RBM28: variants seen among roughly 807,000 people sequenced by gnomAD.
RBM28 encodes RNA binding motif protein 28, also known as RNA-binding protein 28.
A neutral mutation model predicts 98.3 loss-of-function variants in RBM28; 78 were observed. That is an observed-to-expected ratio of 0.79 (90% CI 0.66 to 0.96). The LOEUF (loss-of-function observed/expected upper bound fraction) is 0.96, where lower values mean the gene tolerates loss of function less well. Among genes scored for constraint, RBM28 ranks in the 40% least tolerant of loss-of-function variants. RBM28 has a pLI of 0.00. For synonymous variants in RBM28, 306 were observed against 330.9 expected, an observed-to-expected ratio of 0.92 and a Z score of 0.82; for missense variants, 838 against 913.0, an observed-to-expected ratio of 0.92 and a Z score of 1.06.
chr7:128,319,254 T>G (rs1291693199), intron 14 of RBM28, among the ~76,000 whole-genome samples: 5 of 152,240 alleles, frequency 3.3e-5, no homozygotes, highest in Non-Finnish European at 7.3e-5. Context: ...ATGAAGATCC[T>G]GTTCTCAAGA....
intron 1 of RBM28, 119 bp downstream of exon 1, chr7:128,343,557 C>T (rs1374484274): frequency 2.9e-6 from 2 of 689,622 alleles, no homozygotes; most frequent in African/African-American, 3.7e-5. Flanking sequence ...GGAAAAGAAA[C>T]TCAGTTCCCT....
At chr7:128,325,688 G>C in intron 11 of RBM28, 130 bp downstream of exon 11, 1 of 707,518 alleles carries the variant, frequency 1.4e-6, no homozygotes, top group Non-Finnish European at 2.5e-6. Context: ...AACACAAAGT[G>C]CTAAATAAGT....
intron 5 of RBM28, among the ~76,000 whole-genome samples, chr7:128,337,933 C>T (rs1250083008): frequency 6.6e-6 from 1 of 152,140 alleles, no homozygotes; most frequent in East Asian, 1.9e-4. Flanking sequence ...AAATAGCCCA[C>T]AGATGCTGAA....
At position 128,321,874 on chromosome 7, in the gene RBM28, C is replaced by G. The variant is rs536826976; in HGVS notation, c.1405-450G>C. Among the ~76,000 whole-genome samples, 208 of 151,994 alleles carry G rather than the reference C, an allele frequency of 1.4e-3. 2 individuals carry two copies. Among genetic ancestry groups the G allele is most frequent in the Middle Eastern group, 3.4e-3 (1 of 294 alleles). On this transcript the variant is annotated intron_variant, in intron 13 of 18. Coordinates refer to ENST00000223073, the MANE Select transcript of RBM28 (RefSeq NM_018077.3). ...ATCAGCCTGGCCAACATGGTGAAACCCTGTCTCTACTAAAAATACAAAAAT... is the reference window on the plus strand; with the variant it reads ...ATCAGCCTGGCCAACATGGTGAAACGCTGTCTCTACTAAAAATACAAAAAT...
At position 128,314,945 on chromosome 7, in the gene RBM28, T is replaced by TC; in HGVS notation, c.1863dup (p.Lys622GlufsTer34). 1.2e-6 allele frequency: 2 copies of TC among 1,614,200 alleles called. No individual in the cohort carries two copies. Among genetic ancestry groups the TC allele is most frequent in the East Asian group, 4.5e-5 (2 of 44,886 alleles). ...TCCTCTGTGTGGTGTTGAGCTGCCT[T>TC]CTGTTGCTGGTCTTTTGCAGGCTCT... On this transcript the variant is annotated frameshift_variant, in exon 17 of 19. Coordinates refer to ENST00000223073, the MANE Select transcript of RBM28 (RefSeq NM_018077.3). LOFTEE classifies it high-confidence loss of function.
rs753253054 is a variant in RBM28 at position 128,339,672 on chromosome 7, T to C, written c.238A>G (p.Lys80Glu). The C allele has an allele frequency of 6.2e-7, 1 of 1,614,060 alleles. No individual in the cohort carries two copies. The highest frequency in any genetic ancestry group is 1.3e-5 in the African/African-American group (1 of 74,930). The change falls in exon 2 of 19, where the codon AAA (lysine) becomes GAA (glutamate). Residue 80 changes from lysine to glutamate, a missense_variant. Transcript: ENST00000223073. Reference protein sequence around the residue: ...GCKINVTVAKKKLRNKTKEKG... With the variant: ...GCKINVTVAKEKLRNKTKEKG... ...TCCTTTGTCTTGTTCCTCAGTTTTT[T>C]CTTGGCAACAGTCACGTTGATCTTG...
intron 7 of RBM28, 21 bp downstream of exon 7, chr7:128,335,826 A>T (rs760370912): frequency 2.5e-6 from 4 of 1,614,124 alleles, no homozygotes; most frequent in Non-Finnish European, 3.4e-6. Flanking sequence ...CTGCTGTCTC[A>T]GAACAGGATG....
rs559711355 is a variant in RBM28, at chr7:128,299,299, G to A, written c.*11498C>T. 2.5e-4 allele frequency: 38 copies of A among 152,308 alleles called. No homozygotes were observed. The highest frequency in any genetic ancestry group is 9.1e-4 in the African/African-American group (38 of 41,564). 9.4% of individuals were successfully genotyped at this position (152,308 alleles called of 1,614,324 possible). On this transcript the variant is annotated 3_prime_UTR_variant, in exon 19 of 19. Transcript: ENST00000223073. ...AATCTGTATAACTTTGGCAGGCCCTGGCTATAGGGATTGTCCCTAGTTGTC... is the reference window on the plus strand; with the variant it reads ...AATCTGTATAACTTTGGCAGGCCCTAGCTATAGGGATTGTCCCTAGTTGTC...
At chr7:128,341,657 A>G (rs1796727983) in intron 1 of RBM28, among the ~76,000 whole-genome samples, 1 of 152,240 alleles carries the variant, frequency 6.6e-6, no homozygotes, top group African/African-American at 2.4e-5. Context: ...GACCAAGTAC[A>G]CAAGGTGTAA....
rs1398039720 is a variant in RBM28, at chr7:128,299,718, G to T, written c.*11079C>A. 1 of 152,174 alleles carries T rather than the reference G, an allele frequency of 6.6e-6. No individual in the cohort carries two copies. Among genetic ancestry groups the T allele is most frequent in the Non-Finnish European group, 1.5e-5 (1 of 68,042 alleles). The allele number at this position is 152,174 out of a possible 1,614,324, so 9.4% of individuals were successfully genotyped here. On this transcript the variant is annotated 3_prime_UTR_variant, in exon 19 of 19. Coordinates refer to ENST00000223073, the MANE Select transcript of RBM28 (RefSeq NM_018077.3). ...CCTCATGGCCTAATTACTTCTTTAA[G>T]GACCCCATCTCAATACTATCACATT...
At chr7:128,333,831 A>G (rs971756671) in intron 8 of RBM28, among the ~76,000 whole-genome samples, 6 of 152,208 alleles carry the variant, frequency 3.9e-5, no homozygotes, top group Non-Finnish European at 8.8e-5. Context: ...ATGAGATACT[A>G]TTTTTCACCA....
At chr7:128,336,115 A>AGAACTTGGAGTATTGGT in intron 6 of RBM28, 73 bp from the exon 7 acceptor site, 1 of 1,365,922 alleles carries the variant, frequency 7.3e-7, no homozygotes, top group Non-Finnish European at 1.0e-6. Context: ...AAAGTAACCA[A>AGAACTTGGAGTATTGGT]TACTCCAAGT....
rs1179598521 is a variant in RBM28 at position 128,309,591 on chromosome 7, C to CCGTTG, written c.*1205_*1206insCAACG. ...GAGGTTGCAATGAGCTGAGACAGCG[C>CCGTTG]CATTGCACTCCAGCCTGGGCGACAG... On this transcript the variant is annotated 3_prime_UTR_variant, in exon 19 of 19. Transcript: ENST00000223073. 3 of 149,592 alleles carry CCGTTG rather than the reference C, an allele frequency of 2.0e-5. No individual in the cohort carries two copies. Among genetic ancestry groups the CCGTTG allele is most frequent in the African/African-American group, 7.4e-5 (3 of 40,314 alleles). The allele number at this position is 149,592 out of a possible 1,614,324, so 9.3% of individuals were successfully genotyped here.
Position 128,317,640 on chromosome 7 carries a change from G to A in RBM28, c.1788+19C>T, listed in dbSNP as rs1212895082. On this transcript the variant is annotated intron_variant, in intron 16 of 18. Transcript: ENST00000223073. Reference sequence around the variant, plus strand: ...AAGAGTTTATGTCCTTAAAAATATGGACCATTTAATTTCTGTACCAAGCTG... The same window carrying A: ...AAGAGTTTATGTCCTTAAAAATATGAACCATTTAATTTCTGTACCAAGCTG... 6.5e-7 allele frequency: 1 copy of A among 1,542,880 alleles called. No homozygotes were observed. Among genetic ancestry groups the A allele is most frequent in the South Asian group, 1.1e-5 (1 of 89,622 alleles).
chr7:128,317,719 C>G lies in RBM28; in HGVS notation c.1728G>C (p.Glu576Asp), dbSNP rs765780383. The change falls in exon 16 of 19, where the codon GAG (glutamate) becomes GAC (aspartate). Residue 576 changes from glutamate to aspartate, a missense_variant. Transcript: ENST00000223073. ...IFGPLKRPIVEFSLEDRRKLK... is the reference protein window; with the variant it reads ...IFGPLKRPIVDFSLEDRRKLK... ...GTTTTCTTCGATCTTCTAAAGAGAA[C>G]TCCACTATTGGTCTCTGTCAGAGGG... 137 of 1,605,222 alleles carry G rather than the reference C, an allele frequency of 8.5e-5. No individual in the cohort carries two copies. The East Asian group carries it at 3.0e-3, about 36-fold the overall frequency.
Position 128,300,559 on chromosome 7 carries a change from T to A in RBM28, c.*10238A>T, listed in dbSNP as rs1390960999. The A allele has an allele frequency of 6.6e-6, 1 of 152,252 alleles. No individual in the cohort carries two copies. 9.4% of individuals were successfully genotyped at this position (152,252 alleles called of 1,614,324 possible). On this transcript the variant is annotated 3_prime_UTR_variant, in exon 19 of 19. Transcript: ENST00000223073. ...TCCTTCAATGAGCATGCTAACATCA[T>A]CCAACCCCTGACCTTGTGGTGAGGA...
chr7:128,312,056 C>G (rs1312872579), intron 18 of RBM28, among the ~76,000 whole-genome samples: 1 of 151,802 alleles, frequency 6.6e-6, no homozygotes, highest in African/African-American at 2.4e-5. Context: ...AAATGGGCAA[C>G]CAGGTAGTAT....
Position 128,304,499 on chromosome 7 carries a change from C to A in RBM28, c.*6298G>T, listed in dbSNP as rs1795825985. On this transcript the variant is annotated 3_prime_UTR_variant, in exon 19 of 19. Coordinates refer to ENST00000223073, the MANE Select transcript of RBM28 (RefSeq NM_018077.3). ...TTGAGTACCATCTGGGTGGGTGGAG[C>A]TGGCACTGGCACGAAACCTCTCCAC... 1 of 152,166 alleles carries A rather than the reference C, an allele frequency of 6.6e-6. No homozygotes were observed. The highest frequency in any genetic ancestry group is 1.5e-5 in the Non-Finnish European group (1 of 68,046). 9.4% of individuals were successfully genotyped at this position (152,166 alleles called of 1,614,324 possible). A position where few individuals can be genotyped will look rare whatever the true frequency, so the allele number is the denominator to read the frequency against.
At chr7:128,338,959 T>G (rs923834179) in intron 3 of RBM28, among the ~76,000 whole-genome samples, 158 bp from the exon 4 acceptor site, 1 of 152,246 alleles carries the variant, frequency 6.6e-6, no homozygotes, top group Admixed American at 6.5e-5. Flanking sequence ...GAAGACATTT[T>G]ACTTTGTACC....
Sources: gnomAD v4.1 joint callset for allele counts (sites outside exome capture counted in the v4.1 genomes callset) on GRCh38, gnomAD v4.1.1 for gene constraint, MANE v1.5 for transcripts, NCBI Gene and HGNC (gene_info 2026-07-23, HGNC 2026-07-21) for gene names.